The following KAZN variants were observed in gnomAD, a reference collection of about 807,000 sequenced individuals.
The protein encoded by KAZN is kazrin, periplakin interacting protein.
Under a neutral mutation model 87.4 loss-of-function variants are expected in KAZN, and 40 were observed. The observed-to-expected ratio is 0.46, with a 90% CI of 0.36 to 0.60. The LOEUF (loss-of-function observed/expected upper bound fraction) is 0.60. Among genes scored for constraint, KAZN ranks in the 20% least tolerant of loss-of-function variants. The probability of loss-of-function intolerance (pLI) is 0.00; values close to 1 mark genes in which losing one functional copy is unlikely to be tolerated. For missense variants in KAZN, 898 were observed against 1,073.9 expected (o/e 0.84, Z 2.29); for synonymous variants, 466 against 458.3 (o/e 1.02, Z -0.22).
At chr1:14,445,173 G>A (rs1666913345) in intron 2 of KAZN, among the ~76,000 whole-genome samples, 1 of 152,040 alleles carries the variant, frequency 6.6e-6, no homozygotes, top group African/African-American at 2.4e-5. Flanking sequence ...TTACAGGCAT[G>A]GGCCACCATG....
At chr1:14,372,326 A>G (rs760217181) in intron 2 of KAZN, among the ~76,000 whole-genome samples, 2 of 152,196 alleles carry the variant, frequency 1.3e-5, no homozygotes, top group South Asian at 2.1e-4. Context: ...TGTGTTAAGT[A>G]TATTTTCTTG....
At chr1:14,984,932 T>A (rs1448808351) in intron 2 of KAZN, among the ~76,000 whole-genome samples, 1 of 150,762 alleles carries the variant, frequency 6.6e-6, no homozygotes, top group East Asian at 2.0e-4. Flanking sequence ...GGTCAGGAGT[T>A]CAAGACCAGC....
At chr1:14,151,214 G>C (rs1465830506) in intron 1 of KAZN, among the ~76,000 whole-genome samples, 3 of 151,988 alleles carry the variant, frequency 2.0e-5, no homozygotes, top group Non-Finnish European at 4.4e-5. Context: ...AAAAGACAAA[G>C]ATGGGCATAT....
intron 1 of KAZN, among the ~76,000 whole-genome samples, chr1:14,125,341 T>C (rs746486583): frequency 1.3e-5 from 2 of 152,148 alleles, no homozygotes; most frequent in Non-Finnish European, 2.9e-5. Context: ...CAGAAAGATA[T>C]GTCCATGTCC....
intron 2 of KAZN, among the ~76,000 whole-genome samples, chr1:14,185,794 C>T (rs1015588136): frequency 6.6e-6 from 1 of 152,104 alleles, no homozygotes; most frequent in Non-Finnish European, 1.5e-5. Flanking sequence ...AATTGTAATA[C>T]TCTTGTTCTG....
At chr1:14,415,963 G>T (rs1416504394) in intron 2 of KAZN, among the ~76,000 whole-genome samples, 1 of 152,128 alleles carries the variant, frequency 6.6e-6, no homozygotes, top group African/African-American at 2.4e-5. Context: ...CAAACTCCAG[G>T]GGCTGTAGTC....
chr1:14,294,998 G>A (rs1018363074), intron 2 of KAZN, among the ~76,000 whole-genome samples: 8 of 151,460 alleles, frequency 5.3e-5, no homozygotes, highest in Non-Finnish European at 1.0e-4. Flanking sequence ...AGTCAGACCC[G>A]TGCTTATCTA....
chr1:14,564,454 G>T (rs1357014472), intron 2 of KAZN, among the ~76,000 whole-genome samples: 1 of 152,006 alleles, frequency 6.6e-6, no homozygotes, highest in African/African-American at 2.4e-5. Context: ...TCTTGAATAT[G>T]GGATGATAAT....
At chr1:14,220,012 AATT>A (rs1647057882) in intron 2 of KAZN, among the ~76,000 whole-genome samples, 1 of 152,108 alleles carries the variant, frequency 6.6e-6, no homozygotes, top group Non-Finnish European at 1.5e-5. Context: ...GCCTTCTAGA[AATT>A]ATTTTCTTCC....
At chr1:13,964,664 C>T (rs1030549495) in intron 1 of KAZN, among the ~76,000 whole-genome samples, 2 of 152,200 alleles carry the variant, frequency 1.3e-5, no homozygotes, top group African/African-American at 4.8e-5. Context: ...TCCCAGCCTT[C>T]TTGAGGCCTC....
chr1:13,931,447 G>GGT (rs61432989), intron 1 of KAZN, among the ~76,000 whole-genome samples: 86,700 of 149,664 alleles, frequency 0.58, 25,058 homozygotes, highest in Admixed American at 0.71. Flanking sequence ...CAGCCAGAGG[G>GGT]GTGTGTGTGT....
chr1:13,985,158 A>T (rs12128492), intron 1 of KAZN, among the ~76,000 whole-genome samples: 21,315 of 150,120 alleles, frequency 0.14, 1,619 homozygotes, highest in Middle Eastern at 0.2. Context: ...ATCTAGGGAA[A>T]TTTTTTTTTT....
chr1:14,959,574 T>G (rs1463319362), intron 1 of KAZN, among the ~76,000 whole-genome samples: 1 of 152,132 alleles, frequency 6.6e-6, no homozygotes, highest in Non-Finnish European at 1.5e-5. Context: ...GGCTGGTGAG[T>G]GTGGTACCTT....
chr1:14,319,853 C>A (rs1006531348), intron 2 of KAZN, among the ~76,000 whole-genome samples: 1 of 152,172 alleles, frequency 6.6e-6, no homozygotes, highest in Non-Finnish European at 1.5e-5. Context: ...TGATTTGAAG[C>A]AGAAGGTCTT....
At chr1:14,558,211 G>A (rs1674028549) in intron 2 of KAZN, among the ~76,000 whole-genome samples, 1 of 152,206 alleles carries the variant, frequency 6.6e-6, no homozygotes, top group Non-Finnish European at 1.5e-5. Context: ...GTTGTTTTCA[G>A]TAATGATCCC....
intron 1 of KAZN, among the ~76,000 whole-genome samples, chr1:14,763,014 GGCAGTCTGTGA>G (rs1480342234): frequency 1.8e-4 from 27 of 152,186 alleles, no homozygotes; most frequent in African/African-American, 6.5e-4. Context: ...TTCATAACTT[GGCAGTCTGTGA>G]GCTTTCAAAG....
intron 2 of KAZN, among the ~76,000 whole-genome samples, chr1:14,228,132 C>G (rs1441242105): frequency 6.6e-6 from 1 of 152,056 alleles, no homozygotes; most frequent in Non-Finnish European, 1.5e-5. Flanking sequence ...TCACCTCTTC[C>G]ACTCAGCTGA....
intron 2 of KAZN, among the ~76,000 whole-genome samples, chr1:14,253,525 A>G (rs1650237458): frequency 6.6e-6 from 1 of 152,240 alleles, no homozygotes; most frequent in Admixed American, 6.5e-5. Flanking sequence ...TGGAGAAAAG[A>G]GAAACTGAGT....
At chr1:14,476,136 G>A (rs1483418120) in intron 2 of KAZN, among the ~76,000 whole-genome samples, 2 of 152,134 alleles carry the variant, frequency 1.3e-5, no homozygotes, top group Non-Finnish European at 2.9e-5. Flanking sequence ...GTGCACATTC[G>A]GACTGGTTTG....
Sources: allele counts gnomAD v4.1 joint callset (sites outside exome capture counted in the v4.1 genomes callset), GRCh38; gene constraint gnomAD v4.1.1; transcripts MANE v1.5; gene names NCBI Gene and HGNC (gene_info 2026-07-23, HGNC 2026-07-21).